E2F3: variants seen among roughly 807,000 people sequenced by gnomAD.
E2F3 encodes the protein E2F transcription factor 3, also known as transcription factor E2F3.
E2F3 carries 11 observed loss-of-function variants against 44.4 expected under a neutral mutation model. The observed-to-expected ratio is 0.25, with a 90% CI of 0.16 to 0.41. The LOEUF (loss-of-function observed/expected upper bound fraction) is 0.41, where lower values mean the gene tolerates loss of function less well. Among genes scored for constraint, E2F3 ranks in the 10% least tolerant of loss-of-function variants. The pLI is 1.00. For missense variants in E2F3, 487 were observed against 583.6 expected (o/e 0.83, Z 1.70); for synonymous variants, 249 against 253.0 (o/e 0.98, Z 0.15).
At chr6:20,436,404 G>A (rs1000131797) in intron 1 of E2F3, among the ~76,000 whole-genome samples, 8 of 151,648 alleles carry the variant, frequency 5.3e-5, no homozygotes, top group African/African-American at 1.9e-4. Flanking sequence ...AGACTTCTTG[G>A]GCCACACATA....
chr6:20,445,441 T>C (rs1211879224), intron 1 of E2F3, among the ~76,000 whole-genome samples: 1 of 152,120 alleles, frequency 6.6e-6, no homozygotes, highest in Non-Finnish European at 1.5e-5. Context: ...GGTTTCACCA[T>C]GTTGGCCAGG....
chr6:20,461,672 GT>G (rs1041996400), intron 1 of E2F3, among the ~76,000 whole-genome samples: 10 of 152,204 alleles, frequency 6.6e-5, no homozygotes, highest in Admixed American at 6.5e-4. Context: ...ACATTCTGAG[GT>G]TTTTTTGTTT....
chr6:20,477,164 G>A (rs1282711936), intron 1 of E2F3, among the ~76,000 whole-genome samples: 3 of 151,934 alleles, frequency 2.0e-5, no homozygotes, highest in African/African-American at 7.3e-5. Flanking sequence ...TAGTGATGGG[G>A]GGTCTTGCTA....
intron 6 of E2F3, among the ~76,000 whole-genome samples, chr6:20,488,887 G>A (rs953760868): frequency 3.3e-5 from 5 of 152,040 alleles, no homozygotes; most frequent in African/African-American, 7.2e-5. Context: ...CCTGCTACTC[G>A]GGAGGCTGAG....
rs57925127 is a variant in E2F3, at chr6:20,472,025, AACACACACAC to A, written c.394-7786_394-7777del. On this transcript the variant is annotated intron_variant, in intron 1 of 6. Transcript: ENST00000346618. The stretch of plus-strand genomic sequence containing the variant: ...TTAAACTCCAGCCTGCCCCCCCTCC[AACACACACAC>A]ACACACACACACACACACACACACA... 1.7e-3 allele frequency among the ~76,000 whole-genome samples: 240 copies of A among 138,440 alleles called. 1 individual carries two copies. Among genetic ancestry groups the A allele is most frequent in the African/African-American group, 3.4e-3 (127 of 36,812 alleles). 90.8% of individuals were successfully genotyped at this position (138,440 alleles called of 152,430 possible).
intron 1 of E2F3, among the ~76,000 whole-genome samples, chr6:20,478,677 C>T (rs993747064): frequency 4.6e-5 from 7 of 152,060 alleles, no homozygotes; most frequent in Non-Finnish European, 4.4e-5. Context: ...GGAGTGGTGG[C>T]GTGCACCTGC....
intron 1 of E2F3, among the ~76,000 whole-genome samples, chr6:20,421,378 A>G (rs1044155822): frequency 1.3e-5 from 2 of 152,206 alleles, no homozygotes; most frequent in Non-Finnish European, 2.9e-5. Context: ...CTATAACCTT[A>G]CAAAATGTAC....
intron 1 of E2F3, among the ~76,000 whole-genome samples, chr6:20,407,848 G>A: frequency 6.6e-6 from 1 of 152,190 alleles, no homozygotes; most frequent in East Asian, 1.9e-4. Flanking sequence ...ACTAACAGCT[G>A]TAACTAGGAT....
intron 1 of E2F3, chr6:20,421,515 C>T (rs990042059): frequency 7.9e-5 from 12 of 152,150 alleles, no homozygotes; most frequent in African/African-American, 2.9e-4. Flanking sequence ...TTTGTGTGAC[C>T]AGGTCTATTG....
intron 1 of E2F3, among the ~76,000 whole-genome samples, chr6:20,465,520 T>G (rs1761672166): frequency 6.6e-6 from 1 of 152,154 alleles, no homozygotes; most frequent in Non-Finnish European, 1.5e-5. Flanking sequence ...GTTACATGAG[T>G]AAGTTCTTTA....
At chr6:20,453,731 C>T (rs767502795) in intron 1 of E2F3, among the ~76,000 whole-genome samples, 1 of 152,172 alleles carries the variant, frequency 6.6e-6, no homozygotes, top group Non-Finnish European at 1.5e-5. Flanking sequence ...TTGTAGATGG[C>T]TACCCAATTT....
At chr6:20,479,080 CTTAGA>C (rs1184586158) in intron 1 of E2F3, among the ~76,000 whole-genome samples, 1 of 152,156 alleles carries the variant, frequency 6.6e-6, no homozygotes, top group Admixed American at 6.5e-5. Flanking sequence ...AAATTAAAAA[CTTAGA>C]TAAGGGCTTC....
intron 1 of E2F3, among the ~76,000 whole-genome samples, chr6:20,406,624 T>C (rs1230827310): frequency 6.6e-6 from 1 of 152,188 alleles, no homozygotes; most frequent in Non-Finnish European, 1.5e-5. Context: ...CACGCCTATA[T>C]AGAGATAGTG....
intron 1 of E2F3, among the ~76,000 whole-genome samples, chr6:20,476,100 G>T (rs769312222): frequency 2.6e-5 from 4 of 151,978 alleles, no homozygotes; most frequent in Non-Finnish European, 4.4e-5. Context: ...AGCTGGGCAC[G>T]GTGGCTCACG....
rs776063248 is a variant in E2F3 at position 20,491,868 on chromosome 6, G to C, written c.*1438G>C. 1 of 179,720 alleles carries C rather than the reference G, an allele frequency of 5.6e-6. No individual in the cohort carries two copies. Among genetic ancestry groups the C allele is most frequent in the Non-Finnish European group, 1.2e-5 (1 of 83,586 alleles). 11.1% of individuals were successfully genotyped at this position (179,720 alleles called of 1,614,324 possible). The stretch of plus-strand genomic sequence containing the variant: ...TCTCCCGCTTTACTCTTCAGGAATG[G>C]TGTCCCAAGTTGGAGGCTTTGTGTC... On this transcript the variant is annotated 3_prime_UTR_variant, in exon 7 of 7. Coordinates refer to ENST00000346618, the MANE Select transcript of E2F3 (RefSeq NM_001949.5).
chr6:20,420,872 T>C (rs570925572), intron 1 of E2F3, among the ~76,000 whole-genome samples: 46 of 152,352 alleles, frequency 3.0e-4, no homozygotes, highest in African/African-American at 1.0e-3. Context: ...TTCTCTGTAG[T>C]ATGTGATACT....
At chr6:20,417,410 T>C (rs1000654888) in intron 1 of E2F3, among the ~76,000 whole-genome samples, 1 of 152,236 alleles carries the variant, frequency 6.6e-6, no homozygotes, top group South Asian at 2.1e-4. Flanking sequence ...ACAGTCTGAA[T>C]GAGTGAATAC....
At chr6:20,456,908 T>C (rs1761324482) in intron 1 of E2F3, among the ~76,000 whole-genome samples, 1 of 152,176 alleles carries the variant, frequency 6.6e-6, no homozygotes, top group Admixed American at 6.5e-5. Context: ...TCATGCAGAA[T>C]TCTTTGAAGT....
At chr6:20,413,446 A>C (rs1355837305) in intron 1 of E2F3, among the ~76,000 whole-genome samples, 3 of 152,186 alleles carry the variant, frequency 2.0e-5, no homozygotes. Context: ...GAAAGACCCC[A>C]GGGCCCCAAG....
Sources: gnomAD v4.1 joint callset for allele counts (sites outside exome capture counted in the v4.1 genomes callset) on GRCh38, gnomAD v4.1.1 for gene constraint, MANE v1.5 for transcripts, NCBI Gene and HGNC (gene_info 2026-07-23, HGNC 2026-07-21) for gene names.